PLEKHG5: variants seen among roughly 807,000 people sequenced by gnomAD.
The protein encoded by PLEKHG5 is pleckstrin homology and RhoGEF domain containing G5.
A neutral mutation model predicts 103.8 loss-of-function variants in PLEKHG5; 52 were observed. The observed-to-expected ratio is 0.50, with a 90% confidence interval of 0.40 to 0.63. PLEKHG5 has a LOEUF of 0.63. PLEKHG5 is among the 30% of genes least tolerant of loss of function. The pLI, the probability that PLEKHG5 is intolerant of heterozygous loss-of-function variation, is 0.00. For missense variants in PLEKHG5, 1,205 were observed against 1,347.6 expected (o/e 0.89, Z 1.66); for synonymous variants, 592 against 575.5 (o/e 1.03, Z -0.41).
rs529044627 is a variant in PLEKHG5, at chr1:6,472,537, A to C, written c.1070T>G (p.Val357Gly). The change falls in exon 10 of 21, where the codon GTG becomes GGG. Residue 357 changes from valine (V) to glycine (G), a missense_variant. Coordinates refer to ENST00000377728, the MANE Select transcript of PLEKHG5 (RefSeq NM_020631.6). ...TEASYIRKLR[V>G]IINLFLCCLL... Reference sequence around the variant, plus strand: ...GCAGCCCCTACTCACGTTGATGATCACCCGCAGTTTCCTGATGTAGGAGGC... The same window carrying C: ...GCAGCCCCTACTCACGTTGATGATCCCCCGCAGTTTCCTGATGTAGGAGGC... 1 of 1,611,556 alleles carries C rather than the reference A, an allele frequency of 6.2e-7. No homozygotes were observed.
intron 1 of PLEKHG5, among the ~76,000 whole-genome samples, chr1:6,517,441 C>A (rs917487931): frequency 8.5e-5 from 13 of 152,094 alleles, no homozygotes; most frequent in African/African-American, 3.1e-4. Context: ...CACACCTGGA[C>A]GCAATCTCCC....
At chr1:6,478,629 ATTTCT>A (rs1386418441) in intron 1 of PLEKHG5, among the ~76,000 whole-genome samples, 2 of 151,840 alleles carry the variant, frequency 1.3e-5, no homozygotes, top group South Asian at 4.2e-4. Context: ...GTTTTAAAAT[ATTTCT>A]TTTCTTTTTA....
upstream of PLEKHG5, among the ~76,000 whole-genome samples, chr1:6,493,484 G>T (rs1006450361): frequency 6.6e-6 from 1 of 152,190 alleles, no homozygotes; most frequent in Admixed American, 6.5e-5. Flanking sequence ...GCTGTGTGAT[G>T]TGGGCAAGTT....
chr1:6,475,024 C>T (rs1216039307), intron 5 of PLEKHG5, 23 bp downstream of exon 5: 2 of 1,438,472 alleles, frequency 1.4e-6, no homozygotes, highest in Non-Finnish European at 9.8e-7. Flanking sequence ...CCCACTTCCA[C>T]CCTGAGCCCC....
At chr1:6,482,023 C>T (rs145045511) in intron 1 of PLEKHG5, among the ~76,000 whole-genome samples, 4 of 151,960 alleles carry the variant, frequency 2.6e-5, no homozygotes, top group Admixed American at 6.6e-5. Context: ...CTGGTCGTTC[C>T]GGGACACACT....
intron 19 of PLEKHG5, 86 bp from the exon 20 acceptor site, chr1:6,468,672 A>G: frequency 6.9e-7 from 1 of 1,445,742 alleles, no homozygotes; most frequent in Middle Eastern, 1.9e-4. Flanking sequence ...ACGGTGGTTT[A>G]TACCCTCTGC....
rs568293204 is a variant in PLEKHG5 at position 6,505,719 on chromosome 1, C to T, written c.-164-9150G>A. Among the ~76,000 whole-genome samples, 1 of 152,250 alleles carries T rather than the reference C, an allele frequency of 6.6e-6. No homozygotes were observed. The highest frequency in any genetic ancestry group is 1.5e-5 in the Non-Finnish European group (1 of 68,048). On this transcript the variant is annotated intron_variant, in intron 1 of 21. Transcript: ENST00000377740. This position sits in a 1 kb window ranked among gnomAD's most constrained non-coding sequence, Gnocchi z 4.2. Reference sequence around the variant, plus strand: ...AAACACCATGGCCTGATCTTGCGGGCGGGGTGAGAGCAGAGGCAGAGGCCA... The same window carrying T: ...AAACACCATGGCCTGATCTTGCGGGTGGGGTGAGAGCAGAGGCAGAGGCCA...
At position 6,473,392 on chromosome 1, in the gene PLEKHG5, C is replaced by G. The variant is rs909536143; in HGVS notation, c.654G>C (p.Gln218His). 37 of 1,546,362 alleles carry G rather than the reference C, an allele frequency of 2.4e-5. No individual in the cohort carries two copies. Among genetic ancestry groups the G allele is most frequent in the Non-Finnish European group, 3.1e-5 (35 of 1,145,136 alleles). The change falls in exon 8 of 21, where the codon CAG becomes CAC. Residue 218 changes from glutamine (Q) to histidine (H), a missense_variant. Coordinates refer to ENST00000377728, the MANE Select transcript of PLEKHG5 (RefSeq NM_020631.6). ...AGCAGCTGGAGGGCGTGGGGGGCTC[C>G]TGCCCGGGGATGCTCGCCTCCCCCA... Reference protein sequence around the residue: ...EFLGEASIPGQEPPTPSSCSL... With the variant: ...EFLGEASIPGHEPPTPSSCSL...
chr1:6,468,541 C>T lies in PLEKHG5; in HGVS notation c.2295G>A (p.Glu765=). Residue 765 remains glutamate (E), a synonymous_variant, in exon 20 of 21, where the codon GAG becomes GAA. Coordinates refer to ENST00000377728, the MANE Select transcript of PLEKHG5 (RefSeq NM_020631.6). ...CGGGGGAGGACAGCGTGTCCCCAGG[C>T]TCTACCACAACCATGGCCAGGGTCT... ...STETLAMVVV[E]PGDTLSSPEF... is the part of the protein sequence containing the mutation. 1 of 1,613,010 alleles carries T rather than the reference C, an allele frequency of 6.2e-7. No individual in the cohort carries two copies. The highest frequency in any genetic ancestry group is 8.5e-7 in the Non-Finnish European group (1 of 1,179,968).
At chr1:6,502,431 A>C (rs11121972) in intron 1 of PLEKHG5, among the ~76,000 whole-genome samples, 18,577 of 152,238 alleles carry the variant, frequency 0.12, 1,305 homozygotes, top group African/African-American at 0.18. Flanking sequence ...AGCTGAACAC[A>C]GCCCTACCCA....
chr1:6,481,428 G>A (rs950839940), intron 1 of PLEKHG5, among the ~76,000 whole-genome samples: 3 of 152,008 alleles, frequency 2.0e-5, no homozygotes, highest in African/African-American at 2.4e-5. Context: ...CTACGCGGGA[G>A]GCTGAAGCAG....
intron 2 of PLEKHG5, among the ~76,000 whole-genome samples, chr1:6,476,751 TTTTG>T (rs930468981): frequency 6.6e-6 from 1 of 151,932 alleles, no homozygotes; most frequent in Non-Finnish European, 1.5e-5. Context: ...GGAGAGAGTC[TTTTG>T]TTTGTTTATT....
chr1:6,467,899 C>T lies in PLEKHG5; in HGVS notation c.2937G>A (p.Gln979=). 3.1e-6 allele frequency: 5 copies of T among 1,608,140 alleles called. No individual in the cohort carries two copies. Among genetic ancestry groups the T allele is most frequent in the Non-Finnish European group, 4.2e-6 (5 of 1,177,616 alleles). Residue 979 remains glutamine, a synonymous_variant, in exon 20 of 21, where the codon CAG becomes CAA. Coordinates refer to ENST00000377728, the MANE Select transcript of PLEKHG5 (RefSeq NM_020631.6). ...QPEPPPGVSA[Q]HRKLTLAQLY... is the part of the protein sequence containing the mutation. Reference sequence around the variant, plus strand: ...GCTGGGCCAGGGTCAGCTTCCTGTGCTGGGCAGAGACCCCTGGTGGGGGCT... The same window carrying T: ...GCTGGGCCAGGGTCAGCTTCCTGTGTTGGGCAGAGACCCCTGGTGGGGGCT...
chr1:6,510,462 G>A (rs1026943353), intron 1 of PLEKHG5, among the ~76,000 whole-genome samples: 6 of 152,186 alleles, frequency 3.9e-5, no homozygotes, highest in African/African-American at 1.4e-4. Context: ...GGGGTGGCAG[G>A]CACCTGTAAT....
intron 1 of PLEKHG5, among the ~76,000 whole-genome samples, chr1:6,516,910 A>ACG (rs1638640528): frequency 3.1e-5 from 4 of 128,438 alleles, no homozygotes; most frequent in African/African-American, 1.4e-4. Flanking sequence ...ATATATACAC[A>ACG]CACACACACA....
chr1:6,515,888 T>A (rs1638598192), intron 1 of PLEKHG5, among the ~76,000 whole-genome samples: 1 of 152,088 alleles, frequency 6.6e-6, no homozygotes, highest in Non-Finnish European at 1.5e-5. Context: ...GGTGACCACA[T>A]AAGGAGTCAC....
At chr1:6,499,951 C>T (rs1351169625), upstream of PLEKHG5, among the ~76,000 whole-genome samples, 2 of 152,130 alleles carry the variant, frequency 1.3e-5, no homozygotes, top group Non-Finnish European at 2.9e-5. Flanking sequence ...CGGTGCACAC[C>T]ACCATACCTG....
At chr1:6,471,291 CA>C (rs1240147077) in intron 12 of PLEKHG5, 191 bp from the exon 13 acceptor site, 7 of 775,440 alleles carry the variant, frequency 9.0e-6, no homozygotes, top group East Asian at 2.7e-5. Flanking sequence ...GGCCAGGGAT[CA>C]GGGGTAGATG....
At chr1:6,497,270 G>C, upstream of PLEKHG5, 1 of 908,818 alleles carries the variant, frequency 1.1e-6, no homozygotes. The surrounding 1 kb of genome is among the most constrained non-coding windows in gnomAD (Gnocchi z 6.1). Context: ...GAGCCGGCCC[G>C]GCCCCCCAGG....
Sources: gnomAD v4.1 joint callset for allele counts (sites outside exome capture counted in the v4.1 genomes callset) on GRCh38, gnomAD v4.1.1 for gene constraint, Gnocchi (gnomAD v3.1) non-coding constraint, MANE v1.5 for transcripts, NCBI Gene and HGNC (gene_info 2026-07-23, HGNC 2026-07-21) for gene names.